Variants in CACNG3 observed in about 807,000 individuals in gnomAD.
CACNG3 encodes the protein calcium voltage-gated channel auxiliary subunit gamma 3, also known as voltage-dependent calcium channel gamma-3 subunit.
CACNG3 carries 3 observed loss-of-function variants against 28.5 expected under a neutral mutation model. That is an observed-to-expected ratio of 0.11 (90% CI 0.05 to 0.27). The LOEUF is 0.27. Ranked by LOEUF, CACNG3 falls within the 10% of genes least tolerant of loss-of-function variation. The pLI is 1.00. For synonymous variants in CACNG3, 174 were observed against 162.2 expected, an observed-to-expected ratio of 1.07 and a Z score of -0.55; for missense variants, 236 against 414.4, an observed-to-expected ratio of 0.57 and a Z score of 3.74.
chr16:24,338,583 G>A (rs1899741405), intron 1 of CACNG3, among the ~76,000 whole-genome samples: 1 of 152,134 alleles, frequency 6.6e-6, no homozygotes, highest in Non-Finnish European at 1.5e-5. Context: ...GACCTCAAGT[G>A]ATCTGCCTGC....
chr16:24,355,642 T>C (rs1436910253), intron 3 of CACNG3, among the ~76,000 whole-genome samples: 2 of 152,188 alleles, frequency 1.3e-5, no homozygotes, highest in East Asian at 1.9e-4. Flanking sequence ...CACTTGGGCA[T>C]GTTAATATAC....
At chr16:24,332,855 G>A (rs994601408) in intron 1 of CACNG3, among the ~76,000 whole-genome samples, 3 of 152,120 alleles carry the variant, frequency 2.0e-5, no homozygotes, top group Non-Finnish European at 4.4e-5. Flanking sequence ...CTGACAGCCT[G>A]GTTCTGATTG....
intron 1 of CACNG3, among the ~76,000 whole-genome samples, chr16:24,312,594 T>C (rs1409026147): frequency 1.3e-5 from 2 of 152,058 alleles, no homozygotes; most frequent in South Asian, 4.2e-4. Flanking sequence ...AGCAGGAGGA[T>C]AGCTTGAGGT....
chr16:24,277,724 G>A (rs1898770916), intron 1 of CACNG3, among the ~76,000 whole-genome samples: 2 of 147,704 alleles, frequency 1.4e-5, no homozygotes, highest in Non-Finnish European at 3.0e-5. Context: ...AGGTTACAGT[G>A]AGCAGAGATT....
intron 1 of CACNG3, among the ~76,000 whole-genome samples, chr16:24,319,151 A>C (rs1190838326): frequency 6.6e-6 from 1 of 152,218 alleles, no homozygotes; most frequent in Non-Finnish European, 1.5e-5. Context: ...AAAGAGTGTC[A>C]ACCTAAATGA....
chr16:24,326,286 C>T (rs925427099), intron 1 of CACNG3, among the ~76,000 whole-genome samples: 4 of 152,068 alleles, frequency 2.6e-5, no homozygotes, highest in Non-Finnish European at 5.9e-5. Context: ...ATTTTCCTCC[C>T]TCAGCCTCCC....
At chr16:24,319,282 G>A (rs1279327648) in intron 1 of CACNG3, among the ~76,000 whole-genome samples, 1 of 152,138 alleles carries the variant, frequency 6.6e-6, no homozygotes, top group Non-Finnish European at 1.5e-5. Flanking sequence ...GAAGACAAAG[G>A]TTTTTAAAGG....
intron 1 of CACNG3, among the ~76,000 whole-genome samples, chr16:24,313,073 GAGGAAGGAAGGA>G (rs71154300): frequency 8.0e-5 from 11 of 137,922 alleles, no homozygotes; most frequent in South Asian, 2.5e-4. Flanking sequence ...GCGAGGGAGG[GAGGAAGGAAGGA>G]AGGAAGGAAG....
chr16:24,274,804 C>T (rs990020767), intron 1 of CACNG3, among the ~76,000 whole-genome samples: 5 of 152,162 alleles, frequency 3.3e-5, no homozygotes, highest in Non-Finnish European at 7.4e-5. Context: ...TCACTTTGTC[C>T]TCCCAAGAGC....
At chr16:24,299,329 G>A (rs2141359133) in intron 1 of CACNG3, among the ~76,000 whole-genome samples, 1 of 152,242 alleles carries the variant, frequency 6.6e-6, no homozygotes, top group East Asian at 1.9e-4. Context: ...CTTCGGCACT[G>A]GGAATGCTTT....
At chr16:24,281,761 C>T (rs1359803773) in intron 1 of CACNG3, among the ~76,000 whole-genome samples, 2 of 152,174 alleles carry the variant, frequency 1.3e-5, no homozygotes, top group Non-Finnish European at 1.5e-5. Flanking sequence ...GCTACATGTT[C>T]TGACCAGCAT....
chr16:24,354,685 C>A (rs1218071084), intron 2 of CACNG3, 148 bp from the exon 3 acceptor site: 1 of 723,642 alleles, frequency 1.4e-6, no homozygotes, highest in Non-Finnish European at 2.3e-6. Flanking sequence ...TAAGCACAGG[C>A]CCTGAGCGCC....
chr16:24,336,565 G>A (rs563205522), intron 1 of CACNG3, among the ~76,000 whole-genome samples: 1,282 of 20,738 alleles, frequency 0.062, 20 homozygotes, highest in African/African-American at 0.21. Context: ...GTGAGCCACT[G>A]TGCCCAGCCA....
At chr16:24,319,591 C>T (rs7201623) in intron 1 of CACNG3, among the ~76,000 whole-genome samples, 98,017 of 151,532 alleles carry the variant, frequency 0.65, 31,931 homozygotes, top group Middle Eastern at 0.72. Context: ...CCATGCCTGG[C>T]TTTTATTTAT....
At chr16:24,326,789 A>G (rs1031207914) in intron 1 of CACNG3, among the ~76,000 whole-genome samples, 1 of 152,218 alleles carries the variant, frequency 6.6e-6, no homozygotes, top group African/African-American at 2.4e-5. Flanking sequence ...TAGCCTTACC[A>G]GTGGAAGGGA....
chr16:24,355,617 C>A (rs1008969440), intron 3 of CACNG3, among the ~76,000 whole-genome samples: 2 of 152,134 alleles, frequency 1.3e-5, no homozygotes, highest in East Asian at 1.9e-4. Flanking sequence ...AAATATACAG[C>A]TGCATTTTTG....
intron 1 of CACNG3, among the ~76,000 whole-genome samples, chr16:24,320,008 A>T (rs1450871716): frequency 6.6e-6 from 1 of 152,178 alleles, no homozygotes; most frequent in Non-Finnish European, 1.5e-5. Context: ...TAACCAAGTG[A>T]TCTGCCTGCC....
chr16:24,304,053 TA>T lies in CACNG3; in HGVS notation c.212-42676del, dbSNP rs1899149930. On this transcript the variant is annotated intron_variant, in intron 1 of 3. Transcript: ENST00000005284. ...TTTTTAAAAAGTAAATAAAATAAAA[TA>T]AAAACAATTTCAGTTCCAGGAAGAT... Among the ~76,000 whole-genome samples the T allele has an allele frequency of 2.0e-5, 3 of 152,170 alleles. No individual in the cohort carries two copies. The South Asian group carries it at 6.2e-4, about 32-fold the overall frequency.
Position 24,285,918 on chromosome 16 carries a change from A to T in CACNG3, c.211+28953A>T, listed in dbSNP as rs557445042. 6.9e-5 allele frequency among the ~76,000 whole-genome samples: 10 copies of T among 144,986 alleles called. 1 individual carries two copies. The highest frequency in any genetic ancestry group is 2.6e-4 in the African/African-American group (10 of 38,814). ...GAGAGCAGTGGCGCGATCTCAGCTC[A>T]CTGCCACCTCCACCCACTAGGCTTA... On this transcript the variant is annotated intron_variant, in intron 1 of 3. Transcript: ENST00000005284.
Sources: gnomAD v4.1 joint callset for allele counts (sites outside exome capture counted in the v4.1 genomes callset) on GRCh38, gnomAD v4.1.1 for gene constraint, MANE v1.5 for transcripts, NCBI Gene and HGNC (gene_info 2026-07-23, HGNC 2026-07-21) for gene names.